Variants in SYT5 observed in about 807,000 individuals in gnomAD.
SYT5 encodes synaptotagmin 5.
In SYT5, 29 loss-of-function variants were observed where a neutral mutation model predicts 36.0. The ratio of observed to expected loss-of-function variants is 0.81; its 90% CI spans 0.60 to 1.10. SYT5 has a LOEUF of 1.10. Among genes scored for constraint, SYT5 ranks in the 50% least tolerant of loss-of-function variants. The pLI, the probability that SYT5 is intolerant of heterozygous loss-of-function variation, is 0.00. For missense variants in SYT5, 512 were observed against 516.0 expected, an observed-to-expected ratio of 0.99 and a Z score of 0.08; for synonymous variants, 231 against 227.6, an observed-to-expected ratio of 1.02 and a Z score of -0.14.
At chr19:55,174,104 G>T in intron 8 of SYT5, 1 of 205,480 alleles carries the variant, frequency 4.9e-6, no homozygotes, top group Non-Finnish European at 9.7e-6. Context: ...TCCTGCTTAG[G>T]GTGGGGAATC....
At chr19:55,178,892 C>T (rs1271864203) in intron 2 of SYT5, 71 bp downstream of exon 2, 2 of 1,370,734 alleles carry the variant, frequency 1.5e-6, no homozygotes, top group African/African-American at 1.5e-5. Context: ...TACACCCGTC[C>T]GAATCCCGCC....
At chr19:55,177,937 G>GTCAC (rs1475196288) in intron 3 of SYT5, among the ~76,000 whole-genome samples, 4 of 152,296 alleles carry the variant, frequency 2.6e-5, no homozygotes, top group Admixed American at 2.6e-4. Flanking sequence ...CTGTAGTATG[G>GTCAC]CACATATTAC....
At position 55,173,986 on chromosome 19, in the gene SYT5, T is replaced by C. The variant is rs940910422; in HGVS notation, c.961-302A>G. 1.4e-5 allele frequency: 5 copies of C among 353,894 alleles called. No homozygotes were observed. The highest frequency in any genetic ancestry group is 2.5e-5 in the Non-Finnish European group (5 of 198,300). The allele number at this position is 353,894 out of a possible 1,614,324, so 21.9% of individuals were successfully genotyped here. A position where few individuals can be genotyped will look rare whatever the true frequency, so the allele number is the denominator to read the frequency against. On this transcript the variant is annotated intron_variant, in intron 8 of 8. Coordinates refer to ENST00000354308, the MANE Select transcript of SYT5 (RefSeq NM_003180.3). This position sits in a 1 kb window ranked among gnomAD's most constrained non-coding sequence, Gnocchi z 5.4. ...AGCAGCCTCCTAAGAGCCGCAAAGC[T>C]GCAGAACTTTAACAGGGGCCGGGCT...
chr19:55,178,408 A>G (rs1256846711), intron 2 of SYT5, 40 bp from the exon 3 acceptor site: 1 of 1,585,868 alleles, frequency 6.3e-7, no homozygotes, highest in Non-Finnish European at 8.6e-7. Flanking sequence ...AGGCCTGGGC[A>G]GCACGCAGGC....
Position 55,173,303 on chromosome 19 carries a change from G to C in SYT5, c.*181C>G. 1 of 480,388 alleles carries C rather than the reference G, an allele frequency of 2.1e-6. No individual in the cohort carries two copies. Among genetic ancestry groups the C allele is most frequent in the Non-Finnish European group, 3.4e-6 (1 of 297,260 alleles). The allele number at this position is 480,388 out of a possible 1,614,324, so 29.8% of individuals were successfully genotyped here. ...GGTCGGGGGAGTGTGCTGGAAAGTT[G>C]TCGTGATTGGCATCGTTGGGGGTGA... On this transcript the variant is annotated 3_prime_UTR_variant, in exon 9 of 9. Coordinates refer to ENST00000354308, the MANE Select transcript of SYT5 (RefSeq NM_003180.3). The surrounding 1 kb of genome is among the most constrained non-coding windows in gnomAD (Gnocchi z 5.4).
rs1340911344 is a variant in SYT5, at chr19:55,179,729, T to G, written c.-46+388A>C. On this transcript the variant is annotated intron_variant, in intron 1 of 8. Transcript: ENST00000354308. This position sits in a 1 kb window ranked among gnomAD's most constrained non-coding sequence, Gnocchi z 4.5. ...CGGGTCGGGGGCTGCCCGGTGCCTG[T>G]GCTGAGCCCCCTCATCCTTCTTGGC... The G allele has an allele frequency of 6.5e-6, 1 of 153,962 alleles. No homozygotes were observed. The highest frequency in any genetic ancestry group is 1.4e-5 in the Non-Finnish European group (1 of 69,368). The allele number at this position is 153,962 out of a possible 1,614,324, so 9.5% of individuals were successfully genotyped here.
chr19:55,180,069 G>A (rs2086137053), intron 1 of SYT5, 48 bp downstream of exon 1: 1 of 152,376 alleles, frequency 6.6e-6, no homozygotes, highest in African/African-American at 2.4e-5. Flanking sequence ...TTTCCTCTAG[G>A]GATGCGGATG....
chr19:55,178,369 CT>C lies in SYT5; in HGVS notation c.80-2del, dbSNP rs2086101790. On this transcript the variant is annotated splice_acceptor_variant, in intron 2 of 8. Transcript: ENST00000354308. LOFTEE classifies it high-confidence loss of function. ...ATGGTGGCCAGGGCCCAGGGGGGCA[CT>C]GCAGAGGGGTGGAGACAACACACAT... 5 of 1,609,090 alleles carry C rather than the reference CT, an allele frequency of 3.1e-6. No individual in the cohort carries two copies. The highest frequency in any genetic ancestry group is 4.2e-6 in the Non-Finnish European group (5 of 1,178,492).
At position 55,175,616 on chromosome 19, in the gene SYT5, G is replaced by A; in HGVS notation, c.540+93C>T. 1 of 1,517,222 alleles carries A rather than the reference G, an allele frequency of 6.6e-7. No homozygotes were observed. The highest frequency in any genetic ancestry group is 2.3e-5 in the East Asian group (1 of 44,094). 94.0% of individuals were successfully genotyped at this position (1,517,222 alleles called of 1,614,324 possible). On this transcript the variant is annotated intron_variant, in intron 5 of 8. Transcript: ENST00000354308. This position sits in a 1 kb window ranked among gnomAD's most constrained non-coding sequence, Gnocchi z 4.5. ...GCTGGTAGCTGCCACCTGAGCTGTG[G>A]CCGCCTCCAGGAAAAGCGGAAGGGG...
intron 8 of SYT5, chr19:55,174,155 GGCGGGGCATCCT>G (rs2086040779): frequency 4.7e-6 from 1 of 212,590 alleles, no homozygotes; most frequent in African/African-American, 2.4e-5. Flanking sequence ...CCCGCTTGGG[GGCGGGGCATCCT>G]GGTCCTGCTT....
rs1470193787 is a variant in SYT5, at chr19:55,173,605, GC to G, written c.1039del (p.Ala347ArgfsTer34). The G allele has an allele frequency of 2.0e-6, 3 of 1,483,748 alleles. No individual in the cohort carries two copies. Among genetic ancestry groups the G allele is most frequent in the Non-Finnish European group, 2.7e-6 (3 of 1,117,780 alleles). 91.9% of individuals were successfully genotyped at this position (1,483,748 alleles called of 1,614,324 possible). A position where few individuals can be genotyped will look rare whatever the true frequency, so the allele number is the denominator to read the frequency against. Reference sequence around the variant, plus strand: ...CCGCAGGCCAGCCCCGCCGGCGGCCGCCCCCACGGCCACCCTCCCGATGGCC... The same window carrying G: ...CCGCAGGCCAGCCCCGCCGGCGGCCGCCCCACGGCCACCCTCCCGATGGCC... ...NEAIGRVAVGAAAGGAGLRHW... is the reference protein window; with the variant it reads ...NEAIGRVAVGXAAGGAGLRHW... On this transcript the variant is annotated frameshift_variant, in exon 9 of 9. Transcript: ENST00000354308. LOFTEE classifies it low-confidence loss of function (END_TRUNC). The surrounding 1 kb of genome is among the most constrained non-coding windows in gnomAD (Gnocchi z 5.4).
Position 55,173,708 on chromosome 19 carries a change from G to A in SYT5, c.961-24C>T. On this transcript the variant is annotated intron_variant, in intron 8 of 8. Transcript: ENST00000354308. The surrounding 1 kb of genome is among the most constrained non-coding windows in gnomAD (Gnocchi z 5.4). ...TTCTGGGGTGGGCGCGGGAGGAAGAGGAGAGAGGAGCGTGAGGGGAGGAGG... is the reference window on the plus strand; with the variant it reads ...TTCTGGGGTGGGCGCGGGAGGAAGAAGAGAGAGGAGCGTGAGGGGAGGAGG... 2.2e-6 allele frequency: 3 copies of A among 1,355,760 alleles called. No homozygotes were observed. The highest frequency in any genetic ancestry group is 2.9e-6 in the Non-Finnish European group (3 of 1,047,084). The allele number at this position is 1,355,760 out of a possible 1,614,324, so 84.0% of individuals were successfully genotyped here. A position where few individuals can be genotyped will look rare whatever the true frequency, so the allele number is the denominator to read the frequency against.
rs114557573 is a variant in SYT5 at position 55,179,244 on chromosome 19, G to C, written c.-45-158C>G. On this transcript the variant is annotated intron_variant, in intron 1 of 8. Coordinates refer to ENST00000354308, the MANE Select transcript of SYT5 (RefSeq NM_003180.3). This position sits in a 1 kb window ranked among gnomAD's most constrained non-coding sequence, Gnocchi z 4.5. ...GTATCAGCCTCCCCGCACTTGAGAG[G>C]GGGTGTCCAGGACCTAGTTCCATCC... is the stretch of plus-strand genomic sequence containing the variant. 147 of 1,484,986 alleles carry C rather than the reference G, an allele frequency of 9.9e-5. No homozygotes were observed. The highest frequency in any genetic ancestry group is 1.2e-4 in the Non-Finnish European group (137 of 1,121,616). 92.0% of individuals were successfully genotyped at this position (1,484,986 alleles called of 1,614,324 possible). A position where few individuals can be genotyped will look rare whatever the true frequency, so the allele number is the denominator to read the frequency against.
In SYT5 at chr19:55,171,319, AC is replaced by A. The variant is rs1220116743; in HGVS notation, c.*2164del. 5 of 127,958 alleles carry A rather than the reference AC, an allele frequency of 3.9e-5. No individual in the cohort carries two copies. Among genetic ancestry groups the A allele is most frequent in the Admixed American group, 2.3e-4 (3 of 13,066 alleles). The allele number at this position is 127,958 out of a possible 1,614,324, so 7.9% of individuals were successfully genotyped here. A position where few individuals can be genotyped will look rare whatever the true frequency, so the allele number is the denominator to read the frequency against. ...ATGCTCTACAGCCACACACACACAC[AC>A]ACACACACACACACACACACACACA... is the stretch of plus-strand genomic sequence containing the variant. On this transcript the variant is annotated 3_prime_UTR_variant, in exon 9 of 9. Coordinates refer to ENST00000354308, the MANE Select transcript of SYT5 (RefSeq NM_003180.3).
intron 2 of SYT5, among the ~76,000 whole-genome samples, chr19:55,178,753 ATTTTTTTTT>A (rs5828614): frequency 3.0e-4 from 15 of 50,486 alleles, no homozygotes; most frequent in Admixed American, 5.5e-4. Context: ...TCCGGTTTCG[ATTTTTTTTT>A]TTTTTTTTTT....
At position 55,179,088 on chromosome 19, in the gene SYT5, TAGTCCCCC is replaced by T; in HGVS notation, c.-45-10_-45-3del. 1.3e-6 allele frequency: 2 copies of T among 1,569,758 alleles called. No individual in the cohort carries two copies. The highest frequency in any genetic ancestry group is 1.7e-6 in the Non-Finnish European group (2 of 1,159,648). ...TTTCTGCAGAGACACTCAAGCACCC[TAGTCCCCC>T]ATTCCCACCCCAGACGTCCTTTGAG... On this transcript the variant is annotated splice_polypyrimidine_tract_variant and splice_region_variant and intron_variant, in intron 1 of 8. Coordinates refer to ENST00000354308, the MANE Select transcript of SYT5 (RefSeq NM_003180.3). The surrounding 1 kb of genome is among the most constrained non-coding windows in gnomAD (Gnocchi z 4.5).
In SYT5 at chr19:55,179,339, C is replaced by T. The variant is rs2086119482; in HGVS notation, c.-45-253G>A. ...GACTTCTGCCTCGTCCTCGCCCCTC[C>T]GCAGGGTCTGAACCGGAAGCGGGCG... On this transcript the variant is annotated intron_variant, in intron 1 of 8. Coordinates refer to ENST00000354308, the MANE Select transcript of SYT5 (RefSeq NM_003180.3). This position sits in a 1 kb window ranked among gnomAD's most constrained non-coding sequence, Gnocchi z 4.5. The T allele has an allele frequency of 1.8e-6, 2 of 1,114,798 alleles. No individual in the cohort carries two copies. The highest frequency in any genetic ancestry group is 6.3e-5 in the East Asian group (2 of 31,912). The allele number at this position is 1,114,798 out of a possible 1,614,324, so 69.1% of individuals were successfully genotyped here.
chr19:55,178,438 C>A, intron 2 of SYT5, 70 bp from the exon 3 acceptor site: 2 of 1,486,506 alleles, frequency 1.3e-6, no homozygotes, highest in South Asian at 2.7e-5. Flanking sequence ...CCTGATTACA[C>A]GTGGAAGCTG....
chr19:55,177,349 C>T (rs949500659), intron 3 of SYT5: 2 of 152,198 alleles, frequency 1.3e-5, no homozygotes, highest in East Asian at 3.8e-4. Context: ...TATGGGGCCT[C>T]AACACATGCT....
Sources: gnomAD v4.1 joint callset for allele counts (sites outside exome capture counted in the v4.1 genomes callset) on GRCh38, gnomAD v4.1.1 for gene constraint, Gnocchi (gnomAD v3.1) non-coding constraint, MANE v1.5 for transcripts, NCBI Gene and HGNC (gene_info 2026-07-23, HGNC 2026-07-21) for gene names.